Variants in FREM2 observed in about 807,000 individuals in gnomAD.
FREM2 encodes the protein FRAS1-related extracellular matrix protein 2.
A neutral mutation model predicts 219.9 loss-of-function variants in FREM2; 119 were observed. The observed-to-expected ratio is 0.54, with a 90% CI of 0.47 to 0.63. The LOEUF (loss-of-function observed/expected upper bound fraction) is 0.63, where lower values mean the gene tolerates loss of function less well. FREM2 is among the 30% of genes least tolerant of loss of function. FREM2 has a pLI of 0.00. For missense variants in FREM2, 4,030 were observed against 3,993.6 expected (o/e 1.01, Z -0.25); for synonymous variants, 1,562 against 1,522.8 (o/e 1.03, Z -0.60).
Position 38,784,673 on chromosome 13 carries a change from C to G in FREM2, c.5884C>G (p.Arg1962Gly), listed in dbSNP as rs371128347. The change falls in exon 6 of 24, where the codon CGG (arginine) becomes GGG (glycine). Residue 1962 changes from arginine (R) to glycine (G), a missense_variant. Arg to Gly is a moderately radical substitution (Grantham distance 125). Coordinates refer to ENST00000280481, the MANE Select transcript of FREM2 (RefSeq NM_207361.6). Reference sequence around the variant, plus strand: ...CAAAGATGAACGGGAGAAACTGTGTCGGATAGTCATAATTGATGACTCTTT... The same window carrying G: ...CAAAGATGAACGGGAGAAACTGTGTGGGATAGTCATAATTGATGACTCTTT... The part of the protein sequence containing the change: ...FDKDEREKLC[R>G]IVIIDDSLYE... 5.6e-6 allele frequency: 9 copies of G among 1,614,104 alleles called. No homozygotes were observed. The highest frequency in any genetic ancestry group is 2.2e-5 in the East Asian group (1 of 44,858).
intron 2 of FREM2, among the ~76,000 whole-genome samples, chr13:38,715,628 A>G (rs1870968012): frequency 6.6e-6 from 1 of 152,042 alleles, no homozygotes; most frequent in African/African-American, 2.4e-5. Flanking sequence ...TTAGAAGGCA[A>G]TGCTTTTTAC....
At chr13:38,731,299 G>C (rs890187416) in intron 2 of FREM2, among the ~76,000 whole-genome samples, 9 of 152,114 alleles carry the variant, frequency 5.9e-5, no homozygotes, top group Non-Finnish European at 2.9e-5. Flanking sequence ...AACATACAAA[G>C]TAAATGAATA....
At chr13:38,861,697 T>A in intron 15 of FREM2, 135 bp downstream of exon 15, 2 of 930,290 alleles carry the variant, frequency 2.1e-6, no homozygotes, top group Non-Finnish European at 3.5e-6. Context: ...TCCTTCCACT[T>A]CTTTCAACTG....
Position 38,859,565 on chromosome 13 carries a change from T to C in FREM2, c.7494T>C (p.Pro2498=). 6.2e-7 allele frequency: 1 copy of C among 1,614,064 alleles called. No homozygotes were observed. The highest frequency in any genetic ancestry group is 8.5e-7 in the Non-Finnish European group (1 of 1,180,006). The change falls in exon 14 of 24, where the codon CCT becomes CCC. Residue 2498 remains proline, a synonymous_variant. Transcript: ENST00000280481. ...ATGAAGGCCTGGAGCTCATGAGCCCTATTGTAACCATCAGCAGAGAAGAAG... is the reference window on the plus strand; with the variant it reads ...ATGAAGGCCTGGAGCTCATGAGCCCCATTGTAACCATCAGCAGAGAAGAAG... ...NGDEGLELMS[P]IVTISREEGL...
chr13:38,717,898 G>A (rs896805007), intron 2 of FREM2, among the ~76,000 whole-genome samples: 4 of 152,152 alleles, frequency 2.6e-5, no homozygotes, highest in African/African-American at 9.7e-5. Flanking sequence ...TTTAATACTT[G>A]AAAGACTATT....
At position 38,782,329 on chromosome 13, in the gene FREM2, AT is replaced by A. The variant is rs562034515; in HGVS notation, c.5642-732del. ...TGTTATTGTTTTACATGATAACTGCATTTTTTTTTAACAATTTACTTTTGCC... is the reference window on the plus strand; with the variant it reads ...TGTTATTGTTTTACATGATAACTGCATTTTTTTTAACAATTTACTTTTGCC... On this transcript the variant is annotated intron_variant, in intron 4 of 23. Transcript: ENST00000280481. Among the ~76,000 whole-genome samples the A allele has an allele frequency of 4.6e-4, 69 of 151,264 alleles. 1 individual carries two copies. The South Asian group carries it at 5.9e-3, about 13-fold the overall frequency.
At chr13:38,713,054 A>G (rs1478142915) in intron 2 of FREM2, among the ~76,000 whole-genome samples, 1 of 152,084 alleles carries the variant, frequency 6.6e-6, no homozygotes, top group East Asian at 1.9e-4. Flanking sequence ...ACAATATCTA[A>G]TTTGACCCTC....
In FREM2 at chr13:38,687,119, C is replaced by G. The variant is rs1943702923; in HGVS notation, c.-226C>G. The G allele has an allele frequency of 3.3e-6, 2 of 599,060 alleles. No individual in the cohort carries two copies. Among genetic ancestry groups the G allele is most frequent in the Admixed American group, 3.0e-5 (1 of 33,580 alleles). 37.1% of individuals were successfully genotyped at this position (599,060 alleles called of 1,614,324 possible). ...ATTCTCCGCGCGATTGAGGCGCTAG[C>G]GGCGGAGCTGGACGGCCTGGGAAGG... On this transcript the variant is annotated 5_prime_UTR_variant, in exon 1 of 24. Transcript: ENST00000280481.
chr13:38,886,740 G>A lies in FREM2; in HGVS notation c.*5953G>A, dbSNP rs1291106089. 6.6e-6 allele frequency: 1 copy of A among 152,170 alleles called. No homozygotes were observed. The highest frequency in any genetic ancestry group is 2.4e-5 in the African/African-American group (1 of 41,436). 9.4% of individuals were successfully genotyped at this position (152,170 alleles called of 1,614,324 possible). A position where few individuals can be genotyped will look rare whatever the true frequency, so the allele number is the denominator to read the frequency against. On this transcript the variant is annotated 3_prime_UTR_variant, in exon 24 of 24. Transcript: ENST00000280481. ...TCTATAAAAGAAAACTCTTGGACAA[G>A]GAGCTTTGTGTTTTATAATTGTATT...
intron 2 of FREM2, among the ~76,000 whole-genome samples, chr13:38,736,867 GTTTTT>G (rs5802956): frequency 2.0e-5 from 3 of 150,304 alleles, no homozygotes; most frequent in Non-Finnish European, 3.0e-5. Context: ...CAAACCGTTT[GTTTTT>G]TTTTTCTGCT....
At position 38,805,771 on chromosome 13, in the gene FREM2, A is replaced by T. The variant is rs1374100868; in HGVS notation, c.6019+20963A>T. Among the ~76,000 whole-genome samples the T allele has an allele frequency of 2.6e-5, 4 of 151,972 alleles. No homozygotes were observed. In the East Asian group the frequency reaches 5.9e-4, roughly 23 times the overall value. Reference sequence around the variant, plus strand: ...ATAGATTTTTTGGCTGTTAGCTACAAATAGTAATTATCACTTGTTATATAT... The same window carrying T: ...ATAGATTTTTTGGCTGTTAGCTACATATAGTAATTATCACTTGTTATATAT... On this transcript the variant is annotated intron_variant, in intron 6 of 23. Coordinates refer to ENST00000280481, the MANE Select transcript of FREM2 (RefSeq NM_207361.6).
chr13:38,795,241 C>T (rs1248615180), intron 6 of FREM2, among the ~76,000 whole-genome samples: 2 of 151,784 alleles, frequency 1.3e-5, no homozygotes, highest in African/African-American at 4.8e-5. Flanking sequence ...ATATTGCAGT[C>T]ACTAAAAATT....
Position 38,876,457 on chromosome 13 carries a change from A to G in FREM2, c.8544+75A>G. On this transcript the variant is annotated intron_variant, in intron 20 of 23. Coordinates refer to ENST00000280481, the MANE Select transcript of FREM2 (RefSeq NM_207361.6). ...TTTTCATTTATTAGTAAAAAAAAAA[A>G]AAATCCACACGTGAATGACTTTAAT... The G allele has an allele frequency of 5.3e-6, 7 of 1,314,430 alleles. No homozygotes were observed. In the South Asian group the frequency reaches 8.4e-5, roughly 16 times the overall value. The allele number at this position is 1,314,430 out of a possible 1,614,324, so 81.4% of individuals were successfully genotyped here.
intron 2 of FREM2, among the ~76,000 whole-genome samples, chr13:38,754,775 G>T (rs2137798222): frequency 6.6e-6 from 1 of 151,820 alleles, no homozygotes; most frequent in South Asian, 2.1e-4. Context: ...GAGTGTTATG[G>T]TTTCTCTTTT....
intron 4 of FREM2, among the ~76,000 whole-genome samples, chr13:38,776,347 A>G (rs1158404026): frequency 6.6e-6 from 1 of 152,204 alleles, no homozygotes; most frequent in East Asian, 1.9e-4. Flanking sequence ...CTATTATAGC[A>G]GATTTTTAGA....
Position 38,846,626 on chromosome 13 carries a change from T to G in FREM2, c.6073T>G (p.Tyr2025Asp). The G allele has an allele frequency of 6.2e-7, 1 of 1,613,802 alleles. No homozygotes were observed. Among genetic ancestry groups the G allele is most frequent in the South Asian group, 1.1e-5 (1 of 91,080 alleles). Residue 2025 changes from tyrosine (Y) to aspartate (D), a missense_variant, in exon 7 of 24, where the codon TAT becomes GAT. Around this residue, in one of 2 missense-constraint regions of FREM2, gnomAD observed 3,102 missense variants for 2,950.7 expected, o/e 1.05. Coordinates refer to ENST00000280481, the MANE Select transcript of FREM2 (RefSeq NM_207361.6). ...VEYSVDESAG[Y>D]VEVQVWRTGT... ...ATACTCTGTGGATGAGAGTGCTGGC[T>G]ATGTGGAAGTGCAGGTGTGGAGAAC...
intron 2 of FREM2, among the ~76,000 whole-genome samples, chr13:38,728,796 T>C (rs181962830): frequency 4.9e-4 from 74 of 152,244 alleles, no homozygotes; most frequent in African/African-American, 1.7e-3. Context: ...TAGTCAAATA[T>C]GTTGGGAAAT....
At chr13:38,696,992 G>T (rs942510359) in intron 1 of FREM2, among the ~76,000 whole-genome samples, 3 of 151,678 alleles carry the variant, frequency 2.0e-5, no homozygotes, top group Admixed American at 1.3e-4. Context: ...TAGAGACAGG[G>T]TTTCACCATG....
Position 38,880,744 on chromosome 13 carries a change from T to C in FREM2, c.9467T>C (p.Met3156Thr), listed in dbSNP as rs1452962308. The change falls in exon 24 of 24, where the codon ATG (methionine) becomes ACG (threonine). Residue 3156 changes from methionine to threonine, a missense_variant. By Grantham distance (81) the Met-to-Thr change is moderately conservative. This residue lies in a region of FREM2 where 928 missense variants were observed against 1,042.9 expected (regional missense o/e 0.89). Transcript: ENST00000280481. ...APKGSSSSEP[M>T]VPPQSHHNDS... Reference sequence around the variant, plus strand: ...AAAGGCTCCAGCAGCAGTGAGCCCATGGTGCCCCCACAGAGCCATCACAAT... The same window carrying C: ...AAAGGCTCCAGCAGCAGTGAGCCCACGGTGCCCCCACAGAGCCATCACAAT... The C allele has an allele frequency of 6.2e-7, 1 of 1,614,114 alleles. No individual in the cohort carries two copies. The highest frequency in any genetic ancestry group is 1.7e-5 in the Admixed American group (1 of 60,014).
Sources: gnomAD v4.1 joint callset for allele counts (sites outside exome capture counted in the v4.1 genomes callset) on GRCh38, gnomAD v4.1.1 for gene constraint, gnomAD v4.1.1 regional missense constraint, MANE v1.5 for transcripts, NCBI Gene and HGNC (gene_info 2026-07-23, HGNC 2026-07-21) for gene names.